The following HDAC9 variants were observed in gnomAD, a reference collection of about 807,000 sequenced individuals.
HDAC9 encodes the protein histone deacetylase 9, also known as MEF-2 interacting transcription repressor (MITR) protein.
A neutral mutation model predicts 139.4 loss-of-function variants in HDAC9; 41 were observed. The observed-to-expected ratio is 0.29, with a 90% CI of 0.23 to 0.38. The LOEUF is 0.38. Ranked by LOEUF, HDAC9 falls within the 10% of genes least tolerant of loss-of-function variation. The probability of loss-of-function intolerance (pLI) is 1.00; values close to 1 mark genes in which losing one functional copy is unlikely to be tolerated. For synonymous variants in HDAC9, 517 were observed against 476.2 expected (o/e 1.09, Z -1.12); for missense variants, 1,147 against 1,297.0 (o/e 0.88, Z 1.78).
chr7:18,610,051 A>G (rs1726602), intron 6 of HDAC9, among the ~76,000 whole-genome samples: 138,695 of 152,130 alleles, frequency 0.91, 63,338 homozygotes, highest in Middle Eastern at 0.96. Flanking sequence ...CCATTACTGG[A>G]TATGTACCCA....
At chr7:18,922,672 A>G (rs1803862244) in intron 22 of HDAC9, among the ~76,000 whole-genome samples, 1 of 152,120 alleles carries the variant, frequency 6.6e-6, no homozygotes, top group Non-Finnish European at 1.5e-5. Flanking sequence ...TGACCCTTAG[A>G]GAAACAAAGC....
intron 7 of HDAC9, among the ~76,000 whole-genome samples, chr7:18,633,002 G>C (rs756147190): frequency 4.6e-5 from 7 of 151,990 alleles, no homozygotes; most frequent in Non-Finnish European, 8.8e-5. Flanking sequence ...GAGCTTGGAA[G>C]GTCCAGCTTT....
At chr7:18,531,609 A>AG (rs1370414891) in intron 2 of HDAC9, among the ~76,000 whole-genome samples, 1 of 152,162 alleles carries the variant, frequency 6.6e-6, no homozygotes. Context: ...TTGCTCCTTG[A>AG]CAGTCTTTAA....
At chr7:18,206,483 T>A (rs1359881325) in intron 2 of HDAC9, among the ~76,000 whole-genome samples, 3 of 152,166 alleles carry the variant, frequency 2.0e-5, no homozygotes, top group Non-Finnish European at 4.4e-5. Context: ...GGCTTGTCTT[T>A]GGACTTTCTC....
intron 2 of HDAC9, among the ~76,000 whole-genome samples, chr7:18,253,620 G>A (rs997808140): frequency 6.6e-6 from 1 of 152,078 alleles, no homozygotes; most frequent in Non-Finnish European, 1.5e-5. Flanking sequence ...AATCTTGATT[G>A]CTTAATACAA....
chr7:18,442,172 A>G (rs1791841796), intron 1 of HDAC9, among the ~76,000 whole-genome samples: 1 of 152,170 alleles, frequency 6.6e-6, no homozygotes, highest in African/African-American at 2.4e-5. Flanking sequence ...AGAGCAACCT[A>G]CAGATGATAG....
At chr7:18,269,897 G>T (rs1005803443) in intron 2 of HDAC9, among the ~76,000 whole-genome samples, 1 of 152,080 alleles carries the variant, frequency 6.6e-6, no homozygotes, top group African/African-American at 2.4e-5. Flanking sequence ...TATCATTGAG[G>T]TGAAAAGATC....
At chr7:18,779,435 T>C (rs1377065941) in intron 16 of HDAC9, among the ~76,000 whole-genome samples, 1 of 152,002 alleles carries the variant, frequency 6.6e-6, no homozygotes, top group African/African-American at 2.4e-5. Flanking sequence ...TGATTCTCAT[T>C]ATTATCCCAC....
chr7:18,539,959 C>G (rs1313525588), intron 2 of HDAC9, among the ~76,000 whole-genome samples: 1 of 151,526 alleles, frequency 6.6e-6, no homozygotes, highest in Non-Finnish European at 1.5e-5. Context: ...GTAAATAAGG[C>G]AAAAGGGGAA....
At chr7:18,282,671 T>A (rs1797175398) in intron 2 of HDAC9, among the ~76,000 whole-genome samples, 1 of 152,108 alleles carries the variant, frequency 6.6e-6, no homozygotes, top group Non-Finnish European at 1.5e-5. Flanking sequence ...AAAAGGATGT[T>A]GCAATTGAAC....
chr7:18,815,886 G>A (rs545560057), intron 17 of HDAC9, among the ~76,000 whole-genome samples: 8 of 152,310 alleles, frequency 5.3e-5, no homozygotes, highest in African/African-American at 1.9e-4. Context: ...CAGCATGTGA[G>A]AGACAAATTT....
intron 17 of HDAC9, among the ~76,000 whole-genome samples, chr7:18,824,530 G>C (rs1363487645): frequency 6.6e-6 from 1 of 152,180 alleles, no homozygotes; most frequent in Non-Finnish European, 1.5e-5. Context: ...GGAATGATAG[G>C]ATAGGAGAGT....
rs145466367 is a variant in HDAC9, at chr7:18,897,970, A to G, written c.2803+23374A>G. Among the ~76,000 whole-genome samples, 463 of 152,006 alleles carry G rather than the reference A, an allele frequency of 3.0e-3. 1 individual carries two copies. The highest frequency in any genetic ancestry group is 9.7e-3 in the African/African-American group (401 of 41,534). ...CTTTTAAAATGTTCCCTATAAGTCA[A>G]TCTCTTCAGGAACAAATACATTTTT... On this transcript the variant is annotated intron_variant, in intron 22 of 25. Coordinates refer to ENST00000686413, the MANE Select transcript of HDAC9 (RefSeq NM_178425.4).
At chr7:18,624,057 G>T (rs544543073) in intron 6 of HDAC9, among the ~76,000 whole-genome samples, 1 of 152,092 alleles carries the variant, frequency 6.6e-6, no homozygotes, top group Non-Finnish European at 1.5e-5. Context: ...CAAAAATCAC[G>T]CCCCGCAATT....
intron 1 of HDAC9, among the ~76,000 whole-genome samples, chr7:18,328,408 C>A (rs1230296268): frequency 6.6e-6 from 1 of 151,806 alleles, no homozygotes; most frequent in East Asian, 1.9e-4. Context: ...ACCAAACTCA[C>A]CAGATATTAG....
chr7:18,935,103 TAAACTC>T (rs1051788859), intron 22 of HDAC9, among the ~76,000 whole-genome samples: 1 of 152,120 alleles, frequency 6.6e-6, no homozygotes, highest in African/African-American at 2.4e-5. Flanking sequence ...AATGGAATTA[TAAACTC>T]AGGATCCTGA....
chr7:18,762,113 ATGT>A (rs751415941), intron 14 of HDAC9, 41 bp from the exon 15 acceptor site: 3 of 1,610,730 alleles, frequency 1.9e-6, no homozygotes, highest in Non-Finnish European at 2.5e-6. Flanking sequence ...TTTCTTCTAA[ATGT>A]TGTCAGTGGT....
At chr7:18,090,949 G>T (rs1782103358) in intron 1 of HDAC9, among the ~76,000 whole-genome samples, 1 of 151,878 alleles carries the variant, frequency 6.6e-6, no homozygotes, top group Non-Finnish European at 1.5e-5. Context: ...TAGGATAATT[G>T]CCCACATGAT....
chr7:18,116,721 C>G (rs999838407), intron 1 of HDAC9, among the ~76,000 whole-genome samples: 4 of 151,908 alleles, frequency 2.6e-5, no homozygotes, highest in African/African-American at 9.7e-5. Flanking sequence ...AGCCTAACTC[C>G]CCTTCACCAA....
Sources: allele counts gnomAD v4.1 joint callset (sites outside exome capture counted in the v4.1 genomes callset), GRCh38; gene constraint gnomAD v4.1.1; transcripts MANE v1.5; gene names NCBI Gene and HGNC (gene_info 2026-07-23, HGNC 2026-07-21).